TTC28: variants seen among roughly 807,000 people sequenced by gnomAD.
TTC28 encodes tetratricopeptide repeat domain 28, also known as tetratricopeptide repeat protein 28.
In TTC28, 61 loss-of-function variants were observed where a neutral mutation model predicts 198.0. The ratio of observed to expected loss-of-function variants is 0.31; its 90% CI spans 0.25 to 0.38. The LOEUF (loss-of-function observed/expected upper bound fraction) is 0.38. Among genes scored for constraint, TTC28 ranks in the 10% least tolerant of loss-of-function variants. The pLI, the probability that TTC28 is intolerant of heterozygous loss-of-function variation, is 1.00. For missense variants in TTC28, 2,678 were observed against 3,164.0 expected, an observed-to-expected ratio of 0.85 and a Z score of 3.69; for synonymous variants, 1,171 against 1,297.8, an observed-to-expected ratio of 0.90 and a Z score of 2.10.
chr22:28,337,860 T>G (rs548382640), intron 2 of TTC28, among the ~76,000 whole-genome samples: 18 of 152,208 alleles, frequency 1.2e-4, no homozygotes, highest in African/African-American at 4.3e-4. Flanking sequence ...AATATTGTTA[T>G]GTGTGAATTT....
In TTC28 at chr22:28,629,495, A is replaced by G. The variant is rs905632277; in HGVS notation, c.381+57T>C. ...AATCAACAAAATATTACATTAAAGT[A>G]AGAAGCCAGGACAAAAGATTCTATG... is the stretch of plus-strand genomic sequence containing the variant. On this transcript the variant is annotated intron_variant, in intron 2 of 22. Coordinates refer to ENST00000397906, the MANE Select transcript of TTC28 (RefSeq NM_001145418.2). 31 of 1,446,096 alleles carry G rather than the reference A, an allele frequency of 2.1e-5. No individual in the cohort carries two copies. In the African/African-American group the frequency reaches 4.3e-4, roughly 20 times the overall value. The allele number at this position is 1,446,096 out of a possible 1,614,324, so 89.6% of individuals were successfully genotyped here.
At chr22:28,047,486 G>A (rs1939912745) in intron 12 of TTC28, among the ~76,000 whole-genome samples, 1 of 152,210 alleles carries the variant, frequency 6.6e-6, no homozygotes, top group Non-Finnish European at 1.5e-5. Flanking sequence ...GAAGAAAAGT[G>A]GAGGACTAGA....
chr22:28,490,568 T>C (rs2048363816), intron 2 of TTC28, among the ~76,000 whole-genome samples: 1 of 152,174 alleles, frequency 6.6e-6, no homozygotes, highest in Non-Finnish European at 1.5e-5. Context: ...TGGATAGAAC[T>C]AAAGGCCACC....
intron 5 of TTC28, among the ~76,000 whole-genome samples, chr22:28,240,080 T>C (rs1929559413): frequency 6.6e-6 from 1 of 152,294 alleles, no homozygotes; most frequent in African/African-American, 2.4e-5. Context: ...TTCAAATGAG[T>C]AATAGAATCA....
chr22:28,288,275 T>C (rs2145756218), intron 5 of TTC28, among the ~76,000 whole-genome samples: 1 of 152,334 alleles, frequency 6.6e-6, no homozygotes, highest in South Asian at 2.1e-4. Context: ...TTTTTCTTTT[T>C]ACTTTATAAA....
At position 27,993,500 on chromosome 22, in the gene TTC28, G is replaced by A. The variant is rs1374648806; in HGVS notation, c.5263C>T (p.Arg1755Cys). Residue 1755 changes from arginine (R) to cysteine (C), a missense_variant, in exon 18 of 23, where the codon CGC becomes TGC. By Grantham distance (180) the Arg-to-Cys change is radical (BLOSUM62 -3). Transcript: ENST00000397906. ...GCATTGCGCTGCCCATTCTGGATGC[G>A]CTGCAGGGATTTCTCCACCTGAGGG... ...LLHLVEKSLQ[R>C]IQNGQRNAMY... 1.9e-6 allele frequency: 3 copies of A among 1,545,114 alleles called. No individual in the cohort carries two copies. Among genetic ancestry groups the A allele is most frequent in the Non-Finnish European group, 2.6e-6 (3 of 1,142,438 alleles).
chr22:28,352,554 C>T (rs1000409189), intron 2 of TTC28, among the ~76,000 whole-genome samples: 1 of 152,004 alleles, frequency 6.6e-6, no homozygotes, highest in African/African-American at 2.4e-5. Flanking sequence ...GAGCTGGAGC[C>T]AATAAAGCTC....
At chr22:28,117,632 T>C (rs1427198189) in intron 6 of TTC28, among the ~76,000 whole-genome samples, 2 of 152,206 alleles carry the variant, frequency 1.3e-5, no homozygotes, top group African/African-American at 4.8e-5. Flanking sequence ...GTTAATTTGC[T>C]CTTGATTAAA....
intron 2 of TTC28, among the ~76,000 whole-genome samples, chr22:28,615,798 G>A (rs1037733612): frequency 5.3e-5 from 8 of 150,890 alleles, no homozygotes; most frequent in South Asian, 2.1e-4. Flanking sequence ...CTGTAGGGGG[G>A]TGGGGGGCTA....
chr22:28,113,300 G>T (rs550135748), intron 6 of TTC28, among the ~76,000 whole-genome samples: 1 of 151,854 alleles, frequency 6.6e-6, no homozygotes, highest in Non-Finnish European at 1.5e-5. Flanking sequence ...AACCCAAATG[G>T]GGCTTTAAGA....
chr22:27,992,565 C>T (rs1284459823), intron 19 of TTC28, 22 bp downstream of exon 19: 11 of 1,550,460 alleles, frequency 7.1e-6, no homozygotes, highest in Middle Eastern at 1.7e-4. Flanking sequence ...GGCCCTGGCT[C>T]AGCCCTCCAG....
At chr22:28,292,567 T>C (rs1003420386) in intron 5 of TTC28, among the ~76,000 whole-genome samples, 4 of 152,196 alleles carry the variant, frequency 2.6e-5, no homozygotes, top group Admixed American at 1.3e-4. Flanking sequence ...GTGACTATAT[T>C]GAATAGGATT....
In TTC28 at chr22:27,983,326, A is replaced by G; in HGVS notation, c.6341T>C (p.Leu2114Pro). ...GAAGGGTGAGTTGGGGCTGGGAATC[A>G]GAGTCATTTTCACTGGAGAATTTGG... ...STPNSPVKMT[L>P]IPSPNSPFQK... is the part of the protein sequence containing the mutation. The change falls in exon 23 of 23, where the codon CTG becomes CCG. Residue 2114 changes from leucine to proline, a missense_variant. Leu to Pro is a moderately conservative substitution (Grantham distance 98, BLOSUM62 -3). Transcript: ENST00000397906. 2.6e-6 allele frequency: 4 copies of G among 1,551,964 alleles called. No homozygotes were observed. The highest frequency in any genetic ancestry group is 2.4e-5 in the East Asian group (1 of 40,896).
At chr22:28,644,931 G>A (rs1007059329) in intron 1 of TTC28, among the ~76,000 whole-genome samples, 6 of 151,930 alleles carry the variant, frequency 3.9e-5, no homozygotes, top group African/African-American at 1.4e-4. Context: ...AGATCATGAG[G>A]TCAGGAGATC....
chr22:28,255,332 C>T (rs564051371), intron 5 of TTC28, among the ~76,000 whole-genome samples: 11 of 152,146 alleles, frequency 7.2e-5, no homozygotes, highest in African/African-American at 2.4e-4. Flanking sequence ...TAAGATTACA[C>T]CTCTTGGCCC....
chr22:28,061,130 T>A (rs1411374133), intron 12 of TTC28, among the ~76,000 whole-genome samples: 1 of 152,226 alleles, frequency 6.6e-6, no homozygotes, highest in Non-Finnish European at 1.5e-5. Context: ...CTTTGTCAGA[T>A]GGGTAGATTG....
intron 2 of TTC28, among the ~76,000 whole-genome samples, chr22:28,535,904 C>T (rs1022476984): frequency 5.9e-5 from 9 of 152,012 alleles, no homozygotes; most frequent in African/African-American, 2.2e-4. Context: ...AATCTCTTTT[C>T]TTTATAAATT....
intron 2 of TTC28, among the ~76,000 whole-genome samples, chr22:28,428,161 A>T (rs2047378344): frequency 6.6e-6 from 1 of 152,168 alleles, no homozygotes; most frequent in Non-Finnish European, 1.5e-5. Context: ...CATTTTATTA[A>T]CAATCTAACT....
At chr22:28,544,536 G>C (rs186499949) in intron 2 of TTC28, among the ~76,000 whole-genome samples, 1 of 152,274 alleles carries the variant, frequency 6.6e-6, no homozygotes, top group Non-Finnish European at 1.5e-5. Context: ...ATCTTGATTA[G>C]GGGATGGATA....
Sources: gnomAD v4.1 joint callset for allele counts (sites outside exome capture counted in the v4.1 genomes callset) on GRCh38, gnomAD v4.1.1 for gene constraint, MANE v1.5 for transcripts, NCBI Gene and HGNC (gene_info 2026-07-23, HGNC 2026-07-21) for gene names.